The following RBFOX3 variants were observed in gnomAD, a reference collection of about 807,000 sequenced individuals.
The protein encoded by RBFOX3 is RNA binding fox-1 homolog 3.
In RBFOX3, 17 loss-of-function variants were observed where a neutral mutation model predicts 48.7. That is an observed-to-expected ratio of 0.35 (90% CI 0.24 to 0.52). The LOEUF (loss-of-function observed/expected upper bound fraction) is 0.52. Ranked by LOEUF, RBFOX3 falls within the 20% of genes least tolerant of loss-of-function variation. RBFOX3 has a pLI of 0.94. For missense variants in RBFOX3, 382 were observed against 497.5 expected, an observed-to-expected ratio of 0.77 and a Z score of 2.21; for synonymous variants, 212 against 209.5, an observed-to-expected ratio of 1.01 and a Z score of -0.10.
intron 1 of RBFOX3, among the ~76,000 whole-genome samples, chr17:79,517,027 G>C (rs2085341453): frequency 6.6e-6 from 1 of 152,148 alleles, no homozygotes; most frequent in African/African-American, 2.4e-5. Context: ...GGGAAGATGA[G>C]AACGTTCTGG....
At chr17:79,634,665 C>A in the RBFOX3 span, among the ~76,000 whole-genome samples, 2 of 152,202 alleles carry the variant, frequency 1.3e-5, no homozygotes, top group Admixed American at 1.3e-4. Context: ...CCTAAGACAA[C>A]GGGAGGGAGC....
chr17:79,583,772 C>T (rs1054868804), intron 1 of RBFOX3, among the ~76,000 whole-genome samples: 1 of 152,212 alleles, frequency 6.6e-6, no homozygotes, highest in Admixed American at 6.5e-5. Context: ...TGCTCCCCTC[C>T]AATCCACCTC....
intron 4 of RBFOX3, among the ~76,000 whole-genome samples, chr17:79,129,379 T>C (rs7221521): frequency 0.67 from 86,552 of 128,860 alleles, 31,779 homozygotes; most frequent in Non-Finnish European, 0.74. Flanking sequence ...TGCTGCTACC[T>C]GACAGGTATG....
At chr17:79,253,860 G>C (rs910973517) in intron 3 of RBFOX3, among the ~76,000 whole-genome samples, 1 of 152,210 alleles carries the variant, frequency 6.6e-6, no homozygotes, top group African/African-American at 2.4e-5. Context: ...TGGTCCACGG[G>C]GTGGCCATGG....
chr17:79,396,848 C>T (rs1451070302), intron 2 of RBFOX3, among the ~76,000 whole-genome samples: 1 of 152,266 alleles, frequency 6.6e-6, no homozygotes, highest in Non-Finnish European at 1.5e-5. Flanking sequence ...GCCTGGATCC[C>T]TTCTGAGTGC....
intron 2 of RBFOX3, among the ~76,000 whole-genome samples, chr17:79,409,991 ATGCGAATGGAAGGATGTGT>A (rs2064068968): frequency 6.6e-6 from 1 of 152,234 alleles, no homozygotes; most frequent in Non-Finnish European, 1.5e-5. Flanking sequence ...AATGCAGACA[ATGCGAATGGAAGGATGTGT>A]TGTGATTTCT....
At chr17:79,228,271 CG>C (rs2060568446) in intron 4 of RBFOX3, among the ~76,000 whole-genome samples, 1 of 152,154 alleles carries the variant, frequency 6.6e-6, no homozygotes, top group Non-Finnish European at 1.5e-5. Flanking sequence ...CCGGAGCGGG[CG>C]GGGTGGCCAT....
At chr17:79,396,551 T>C (rs779474779) in intron 2 of RBFOX3, among the ~76,000 whole-genome samples, 202 of 150,270 alleles carry the variant, frequency 1.3e-3, no homozygotes, top group Admixed American at 2.5e-3. Context: ...TGACTCCCCC[T>C]GAGACCCCCT....
intron 4 of RBFOX3, among the ~76,000 whole-genome samples, chr17:79,196,555 C>T (rs1427619430): frequency 1.3e-5 from 2 of 152,188 alleles, no homozygotes; most frequent in East Asian, 3.8e-4. Context: ...TCAACAAATA[C>T]TTATTGAGTT....
chr17:79,235,048 G>C (rs1226228980), intron 4 of RBFOX3: 1 of 152,022 alleles, frequency 6.6e-6, no homozygotes, highest in African/African-American at 2.4e-5. Context: ...ATTTATTTTT[G>C]ACTTACAATA....
intron 8 of RBFOX3, among the ~76,000 whole-genome samples, chr17:79,102,758 T>C (rs2076677236): frequency 1.3e-5 from 2 of 152,100 alleles, no homozygotes; most frequent in Non-Finnish European, 1.5e-5. Context: ...GACTGGGCCA[T>C]GTGGGGACAG....
chr17:79,164,228 C>T lies in RBFOX3; in HGVS notation c.-33-48480G>A, dbSNP rs114458991. Among the ~76,000 whole-genome samples the T allele has an allele frequency of 1.0e-2, 1,518 of 152,288 alleles. 23 individuals are homozygous for T. Among genetic ancestry groups the T allele is most frequent in the African/African-American group, 0.035 (1,448 of 41,564 alleles). On this transcript the variant is annotated intron_variant, in intron 4 of 14. Transcript: ENST00000693108. ...GTTCCCCACCTGGCAGGGGCGGTGG[C>T]GGTAGCGCCTGGGCAGAAAAGTGCA... is the stretch of plus-strand genomic sequence containing the variant.
intron 2 of RBFOX3, among the ~76,000 whole-genome samples, chr17:79,393,060 A>G (rs533809438): frequency 6.6e-6 from 1 of 152,250 alleles, no homozygotes; most frequent in Non-Finnish European, 1.5e-5. Context: ...CAGTCTGCAC[A>G]TGTAACAAAA....
rs533830309 is a variant in RBFOX3, at chr17:79,112,941, T to TG, written c.222+2552dup. On this transcript the variant is annotated intron_variant, in intron 5 of 14. Transcript: ENST00000693108. ...GGGCTGGGTAGGACTTCAGGGATGG[T>TG]GGGGAAGGAAGAGACCAGGGTACTT... Among the ~76,000 whole-genome samples, 29 of 114,906 alleles carry TG rather than the reference T, an allele frequency of 2.5e-4. No individual in the cohort carries two copies. In the East Asian group the frequency reaches 4.4e-3, roughly 17 times the overall value. The allele number at this position is 114,906 out of a possible 152,430, so 75.4% of individuals were successfully genotyped here. A position where few individuals can be genotyped will look rare whatever the true frequency, so the allele number is the denominator to read the frequency against.
chr17:79,624,342 G>T, the RBFOX3 span, among the ~76,000 whole-genome samples: 2 of 152,094 alleles, frequency 1.3e-5, no homozygotes, highest in Non-Finnish European at 2.9e-5. Flanking sequence ...GGCCTTAGCT[G>T]CAGGGGAGGC....
At chr17:79,367,252 C>T (rs2057905577) in intron 2 of RBFOX3, among the ~76,000 whole-genome samples, 1 of 146,410 alleles carries the variant, frequency 6.8e-6, no homozygotes, top group Non-Finnish European at 1.5e-5. Context: ...CCCTCCTCCC[C>T]TCCTCCTTTT....
intron 3 of RBFOX3, among the ~76,000 whole-genome samples, chr17:79,259,794 A>AG (rs1303476694): frequency 6.6e-6 from 1 of 152,034 alleles, no homozygotes; most frequent in Non-Finnish European, 1.5e-5. Flanking sequence ...CAGTAGCCGC[A>AG]GGGGCTCTGC....
At chr17:79,432,544 TA>T (rs145381112) in intron 2 of RBFOX3, among the ~76,000 whole-genome samples, 3 of 151,646 alleles carry the variant, frequency 2.0e-5, no homozygotes, top group East Asian at 3.9e-4. Context: ...CCTGTTTCGT[TA>T]AAAAAAAATC....
At chr17:79,102,764 G>C (rs1275316635) in intron 8 of RBFOX3, among the ~76,000 whole-genome samples, 3 of 152,226 alleles carry the variant, frequency 2.0e-5, no homozygotes, top group Admixed American at 2.0e-4. Context: ...GCCATGTGGG[G>C]ACAGGTTGGG....
Sources: allele counts gnomAD v4.1 joint callset (sites outside exome capture counted in the v4.1 genomes callset), GRCh38; gene constraint gnomAD v4.1.1; transcripts MANE v1.5; gene names NCBI Gene and HGNC (gene_info 2026-07-23, HGNC 2026-07-21).